Variants in ARHGAP35 observed in about 807,000 individuals in gnomAD.
The protein encoded by ARHGAP35 is rho GTPase-activating protein 35.
ARHGAP35 carries 15 observed loss-of-function variants against 111.1 expected under a neutral mutation model. The observed-to-expected ratio is 0.13, with a 90% CI of 0.09 to 0.21. The LOEUF (loss-of-function observed/expected upper bound fraction) is 0.21, where lower values mean the gene tolerates loss of function less well. Ranked by LOEUF, ARHGAP35 falls within the 10% of genes least tolerant of loss-of-function variation. ARHGAP35 has a pLI of 1.00. For missense variants in ARHGAP35, 1,262 were observed against 1,873.0 expected (o/e 0.67, Z 6.02); for synonymous variants, 643 against 710.3 (o/e 0.91, Z 1.51).
rs965465781 is a variant in ARHGAP35, at chr19:47,002,523, G to T, written c.*1835G>T. On this transcript the variant is annotated 3_prime_UTR_variant, in exon 7 of 7. Transcript: ENST00000672722. ...TGTCTCTTCTGGTGGAGCTGTGCCT[G>T]GCCCTGTAGGCCCAGGGTTGGCTGG... is the stretch of plus-strand genomic sequence containing the variant. 3.9e-5 allele frequency: 6 copies of T among 152,250 alleles called. No homozygotes were observed. The highest frequency in any genetic ancestry group is 7.3e-5 in the Non-Finnish European group (5 of 68,056). The allele number at this position is 152,250 out of a possible 1,614,324, so 9.4% of individuals were successfully genotyped here. A position where few individuals can be genotyped will look rare whatever the true frequency, so the allele number is the denominator to read the frequency against.
At chr19:46,929,397 A>G (rs958667293) in intron 2 of ARHGAP35, among the ~76,000 whole-genome samples, 5 of 152,152 alleles carry the variant, frequency 3.3e-5, no homozygotes, top group African/African-American at 1.2e-4. Flanking sequence ...AGCTGTAGTA[A>G]TGCCACTTAT....
Position 47,004,345 on chromosome 19 carries a change from G to A in ARHGAP35, c.*3657G>A, listed in dbSNP as rs1163921088. 1.3e-5 allele frequency: 2 copies of A among 152,280 alleles called. No homozygotes were observed. The highest frequency in any genetic ancestry group is 2.4e-5 in the African/African-American group (1 of 41,464). The allele number at this position is 152,280 out of a possible 1,614,324, so 9.4% of individuals were successfully genotyped here. On this transcript the variant is annotated 3_prime_UTR_variant, in exon 7 of 7. Transcript: ENST00000672722. ...GCAGCGTGGCCAATGCGCGGCGCGC[G>A]CGGGGGACAGAGCAGGAGGCGGTCT...
At chr19:46,935,210 A>T (rs536532904) in intron 2 of ARHGAP35, among the ~76,000 whole-genome samples, 6 of 152,284 alleles carry the variant, frequency 3.9e-5, no homozygotes, top group African/African-American at 1.4e-4. Flanking sequence ...CAGGTATCTC[A>T]CAGTGAGTGG....
chr19:46,918,718 A>C lies in ARHGAP35; in HGVS notation c.43A>C (p.Asn15His). 1.2e-6 allele frequency: 2 copies of C among 1,613,876 alleles called. No individual in the cohort carries two copies. Among genetic ancestry groups the C allele is most frequent in the Non-Finnish European group, 1.7e-6 (2 of 1,179,820 alleles). The change falls in exon 2 of 7, where the codon AAC (asparagine) becomes CAC (histidine). Residue 15 changes from asparagine to histidine, a missense_variant. Transcript: ENST00000672722. The surrounding 1 kb of genome is among the most constrained non-coding windows in gnomAD (Gnocchi z 5.4). ...RKQDVRIPTYNISVVGLSGTE... is the reference protein window; with the variant it reads ...RKQDVRIPTYHISVVGLSGTE... ...GCAAGATGTCCGAATTCCCACCTACAACATCAGTGTGGTGGGATTATCTGG... is the reference window on the plus strand; with the variant it reads ...GCAAGATGTCCGAATTCCCACCTACCACATCAGTGTGGTGGGATTATCTGG...
In ARHGAP35 at chr19:46,988,062, T is replaced by G. The variant is rs370634996; in HGVS notation, c.3900T>G (p.Asp1300Glu). The change falls in exon 4 of 7, where the codon GAT becomes GAG. Residue 1300 changes from aspartate (D) to glutamate (E), a missense_variant. By Grantham distance (45) the Asp-to-Glu change is conservative. Coordinates refer to ENST00000672722, the MANE Select transcript of ARHGAP35 (RefSeq NM_004491.5). This position sits in a 1 kb window ranked among gnomAD's most constrained non-coding sequence, Gnocchi z 5.4. Reference protein sequence around the residue: ...SEMESLQRQFDQDHNLDLAEK... With the variant: ...SEMESLQRQFEQDHNLDLAEK... ...TGGAGAGTCTGCAGAGACAGTTTGA[T>G]CAAGGTAAAGTGCAGCCTGGCCAGG... 4 of 1,613,526 alleles carry G rather than the reference T, an allele frequency of 2.5e-6. No individual in the cohort carries two copies. The highest frequency in any genetic ancestry group is 2.5e-6 in the Non-Finnish European group (3 of 1,179,808).
intron 3 of ARHGAP35, chr19:46,947,571 A>G (rs1009762736): frequency 2.0e-5 from 3 of 152,190 alleles, no homozygotes; most frequent in Admixed American, 6.5e-5. Flanking sequence ...CACCACAACA[A>G]TCACCAACAC....
At chr19:46,862,030 G>C (rs1311762447) in intron 1 of ARHGAP35, among the ~76,000 whole-genome samples, 2 of 152,110 alleles carry the variant, frequency 1.3e-5, no homozygotes, top group Admixed American at 6.5e-5. Flanking sequence ...CTCGGACTTG[G>C]CTGCACCGTG....
At chr19:46,931,272 GC>G (rs974670512) in intron 2 of ARHGAP35, among the ~76,000 whole-genome samples, 1 of 152,174 alleles carries the variant, frequency 6.6e-6, no homozygotes, top group African/African-American at 2.4e-5. Context: ...TACATTGAGT[GC>G]CCACTGCACG....
chr19:46,888,364 A>ACC (rs1555754931), intron 1 of ARHGAP35, among the ~76,000 whole-genome samples: 7 of 106,366 alleles, frequency 6.6e-5, no homozygotes, highest in South Asian at 3.0e-4. Context: ...ACACACACAC[A>ACC]CCCCACAACA....
At position 46,926,793 on chromosome 19, in the gene ARHGAP35, T is replaced by C. The variant is rs975953772; in HGVS notation, c.3681+4437T>C. Among the ~76,000 whole-genome samples the C allele has an allele frequency of 2.0e-5, 3 of 152,214 alleles. No individual in the cohort carries two copies. The highest frequency in any genetic ancestry group is 1.9e-4 in the East Asian group (1 of 5,194). Reference sequence around the variant, plus strand: ...ACAGTTTGTGTCCCCCCCTAGTGAATTGGCTTATTTCATTGGATTCAGTGA... The same window carrying C: ...ACAGTTTGTGTCCCCCCCTAGTGAACTGGCTTATTTCATTGGATTCAGTGA... On this transcript the variant is annotated intron_variant, in intron 2 of 6. Transcript: ENST00000672722. This position sits in a 1 kb window ranked among gnomAD's most constrained non-coding sequence, Gnocchi z 4.1.
At position 46,919,653 on chromosome 19, in the gene ARHGAP35, C is replaced by T; in HGVS notation, c.978C>T (p.His326=). Residue 326 remains histidine (H), a synonymous_variant, in exon 2 of 7, where the codon CAC becomes CAT. Coordinates refer to ENST00000672722, the MANE Select transcript of ARHGAP35 (RefSeq NM_004491.5). The surrounding 1 kb of genome is among the most constrained non-coding windows in gnomAD (Gnocchi z 6.2). ...KAKKLFLQHI[H]RLKHEHIERR... is the part of the protein sequence containing the mutation. Reference sequence around the variant, plus strand: ...AGAAGCTGTTTCTACAGCACATCCACCGCCTCAAGCATGAGCATATCGAGC... The same window carrying T: ...AGAAGCTGTTTCTACAGCACATCCATCGCCTCAAGCATGAGCATATCGAGC... 1.2e-6 allele frequency: 2 copies of T among 1,613,978 alleles called. No homozygotes were observed. Among genetic ancestry groups the T allele is most frequent in the Non-Finnish European group, 1.7e-6 (2 of 1,179,880 alleles).
chr19:46,976,855 GTGTC>G (rs1568484999), intron 3 of ARHGAP35, among the ~76,000 whole-genome samples: 1 of 152,186 alleles, frequency 6.6e-6, no homozygotes, highest in Non-Finnish European at 1.5e-5. Flanking sequence ...CTCTTGCTCT[GTGTC>G]TGTCTGTTCA....
Position 47,001,080 on chromosome 19 carries a change from A to G in ARHGAP35, c.*392A>G. The G allele has an allele frequency of 1.5e-6, 2 of 1,294,856 alleles. No homozygotes were observed. The highest frequency in any genetic ancestry group is 2.0e-6 in the Non-Finnish European group (2 of 1,000,532). The allele number at this position is 1,294,856 out of a possible 1,614,324, so 80.2% of individuals were successfully genotyped here. On this transcript the variant is annotated 3_prime_UTR_variant, in exon 7 of 7. Coordinates refer to ENST00000672722, the MANE Select transcript of ARHGAP35 (RefSeq NM_004491.5). This position sits in a 1 kb window ranked among gnomAD's most constrained non-coding sequence, Gnocchi z 5.4. ...CGGGGAGGAGGATGCTCTGAGATTC[A>G]GGGTGGGGCTGGCAACCCCTGAAGA...
intron 3 of ARHGAP35, among the ~76,000 whole-genome samples, chr19:46,941,748 C>T (rs1470124411): frequency 6.6e-6 from 1 of 150,592 alleles, no homozygotes; most frequent in Non-Finnish European, 1.5e-5. Context: ...TTTGTGGAGA[C>T]AAAGTCTCAC....
chr19:46,920,851 A>G lies in ARHGAP35; in HGVS notation c.2176A>G (p.Ser726Gly). 6.2e-7 allele frequency: 1 copy of G among 1,613,780 alleles called. No homozygotes were observed. The highest frequency in any genetic ancestry group is 1.1e-5 in the South Asian group (1 of 91,040). Residue 726 changes from serine to glycine, a missense_variant, in exon 2 of 7, where the codon AGC (serine) becomes GGC (glycine). Coordinates refer to ENST00000672722, the MANE Select transcript of ARHGAP35 (RefSeq NM_004491.5). This position sits in a 1 kb window ranked among gnomAD's most constrained non-coding sequence, Gnocchi z 7.0. ...AATACAGCAAGGTCAACAAATTGCT[A>G]GCAAACTTCAGTGTGTCTTTCTCGA... ...SLIQQGQQIA[S>G]KLQCVFLDPA...
At chr19:46,869,575 A>G (rs922099697) in intron 1 of ARHGAP35, among the ~76,000 whole-genome samples, 18 of 152,018 alleles carry the variant, frequency 1.2e-4, no homozygotes, top group African/African-American at 4.3e-4. Flanking sequence ...ATTTAAAAGA[A>G]AGGTCAAAAC....
rs138716252 is a variant in ARHGAP35, at chr19:46,940,750, C to T, written c.3826+3342C>T. ...CATTACAGGCGTGAGCCACTGTGCC[C>T]GGCCTTGGCTTTGTTTTAGTTTTTT... On this transcript the variant is annotated intron_variant, in intron 3 of 6. Coordinates refer to ENST00000672722, the MANE Select transcript of ARHGAP35 (RefSeq NM_004491.5). Among the ~76,000 whole-genome samples, 132 of 152,144 alleles carry T rather than the reference C, an allele frequency of 8.7e-4. 1 individual carries two copies. The highest frequency in any genetic ancestry group is 2.9e-3 in the African/African-American group (122 of 41,508).
chr19:46,971,156 C>T (rs2122293020), intron 3 of ARHGAP35, among the ~76,000 whole-genome samples: 2 of 152,256 alleles, frequency 1.3e-5, no homozygotes, highest in Middle Eastern at 6.8e-3. Context: ...GCCTATAATG[C>T]CAGCACTTTG....
At chr19:46,967,493 T>A (rs73059303) in intron 3 of ARHGAP35, among the ~76,000 whole-genome samples, 32,885 of 152,110 alleles carry the variant, frequency 0.22, 3,917 homozygotes, top group Non-Finnish European at 0.28. Context: ...CTCTTCTTGG[T>A]TTACTGTGGT....
Sources: gnomAD v4.1 joint callset for allele counts (sites outside exome capture counted in the v4.1 genomes callset) on GRCh38, gnomAD v4.1.1 for gene constraint, Gnocchi (gnomAD v3.1) non-coding constraint, MANE v1.5 for transcripts, NCBI Gene and HGNC (gene_info 2026-07-23, HGNC 2026-07-21) for gene names.